NUP153: variants seen among roughly 807,000 people sequenced by gnomAD.
NUP153 encodes nucleoporin 153, also known as nuclear pore complex protein Nup153.
Under a neutral mutation model 134.6 loss-of-function variants are expected in NUP153, and 27 were observed. That is an observed-to-expected ratio of 0.20 (90% confidence interval 0.15 to 0.28). The LOEUF is 0.28. Ranked by LOEUF, NUP153 falls within the 10% of genes least tolerant of loss-of-function variation. The pLI, the probability that NUP153 is intolerant of heterozygous loss-of-function variation, is 1.00. For synonymous variants in NUP153, 640 were observed against 623.5 expected (o/e 1.03, Z -0.40); for missense variants, 1,821 against 1,731.3 (o/e 1.05, Z -0.92).
chr6:17,628,738 C>A lies in NUP153; in HGVS notation c.3461G>T (p.Ser1154Ile). ...TTCCTTCTCAGATGGTTTTGTCATA[C>A]TAAAACTAAATGTGGACTTTGAAGA... ...ENSSKSTFSF[S>I]MTKPSEKESE... The change falls in exon 18 of 22, where the codon AGT (serine) becomes ATT (isoleucine). Residue 1154 changes from serine (S) to isoleucine (I), a missense_variant. Coordinates refer to ENST00000262077, the MANE Select transcript of NUP153 (RefSeq NM_005124.4). This position sits in a 1 kb window ranked among gnomAD's most constrained non-coding sequence, Gnocchi z 5.4. 1 of 1,614,076 alleles carries A rather than the reference C, an allele frequency of 6.2e-7. No individual in the cohort carries two copies. Among genetic ancestry groups the A allele is most frequent in the Non-Finnish European group, 8.5e-7 (1 of 1,180,010 alleles).
chr6:17,630,797 A>G (rs1438312957), intron 17 of NUP153, among the ~76,000 whole-genome samples: 1 of 151,006 alleles, frequency 6.6e-6, no homozygotes. Flanking sequence ...AGAAGACAGG[A>G]GAGAAGAGAG....
At chr6:17,661,808 C>T (rs1554141508) in intron 10 of NUP153, 29 bp from the exon 11 acceptor site, 1 of 1,602,412 alleles carries the variant, frequency 6.2e-7, no homozygotes, top group Non-Finnish European at 8.5e-7. Context: ...ATTAAAACAA[C>T]TGATATATTA....
In NUP153 at chr6:17,625,195, A is replaced by G. The variant is rs556428320; in HGVS notation, c.3902-362T>C. Among the ~76,000 whole-genome samples, 1 of 152,340 alleles carries G rather than the reference A, an allele frequency of 6.6e-6. No homozygotes were observed. The highest frequency in any genetic ancestry group is 2.1e-4 in the South Asian group (1 of 4,828). ...CATTGCATAATAAAGACTGATGTTT[A>G]ATAAAACAACTTCCAGTGTCTGGTT... On this transcript the variant is annotated intron_variant, in intron 19 of 21. Transcript: ENST00000262077. The surrounding 1 kb of genome is among the most constrained non-coding windows in gnomAD (Gnocchi z 4.7).
chr6:17,686,901 G>C (rs1196915364), intron 2 of NUP153, among the ~76,000 whole-genome samples: 1 of 146,596 alleles, frequency 6.8e-6, no homozygotes, highest in Non-Finnish European at 1.5e-5. Flanking sequence ...CGGCGGGGGA[G>C]GGGGGCGGGG....
At position 17,668,997 on chromosome 6, in the gene NUP153, T is replaced by C. The variant is rs757375258; in HGVS notation, c.1046A>G (p.Asp349Gly). ...TACCTTTTCTCTTTTGGCCTGAAAA[T>C]CTGTGATATCTATCCCACTCCTATC... ...PLDRSGIDIT[D>G]FQAKREKVDS... Residue 349 changes from aspartate (D) to glycine (G), a missense_variant, in exon 8 of 22, where the codon GAT becomes GGT. Coordinates refer to ENST00000262077, the MANE Select transcript of NUP153 (RefSeq NM_005124.4). The C allele has an allele frequency of 6.5e-7, 1 of 1,541,518 alleles. No individual in the cohort carries two copies. The highest frequency in any genetic ancestry group is 2.3e-5 in the East Asian group (1 of 42,986).
At chr6:17,684,425 G>C (rs1003128560) in intron 2 of NUP153, among the ~76,000 whole-genome samples, 18 of 152,156 alleles carry the variant, frequency 1.2e-4, no homozygotes, top group African/African-American at 4.3e-4. Flanking sequence ...ATCTCCCTCA[G>C]ACTTCACAGA....
chr6:17,665,454 C>T, intron 8 of NUP153, 69 bp from the exon 9 acceptor site: 1 of 1,235,018 alleles, frequency 8.1e-7, no homozygotes, highest in Non-Finnish European at 1.2e-6. Flanking sequence ...TAAATTTTGA[C>T]AATAGCTAAC....
At position 17,657,372 on chromosome 6, in the gene NUP153, G is replaced by A. The variant is rs916518588; in HGVS notation, c.1395+4281C>T. 5.4e-5 allele frequency among the ~76,000 whole-genome samples: 8 copies of A among 147,412 alleles called. 1 individual carries two copies. Among genetic ancestry groups the A allele is most frequent in the Admixed American group, 1.4e-4 (2 of 14,572 alleles). ...AGCCTGGACAACATGGCAAAACCCC[G>A]TCTCTACTAAAATAAAAAAATAAAA... On this transcript the variant is annotated intron_variant, in intron 11 of 21. Coordinates refer to ENST00000262077, the MANE Select transcript of NUP153 (RefSeq NM_005124.4).
At chr6:17,682,324 C>CA (rs780199182) in intron 2 of NUP153, among the ~76,000 whole-genome samples, 15 of 152,122 alleles carry the variant, frequency 9.9e-5, no homozygotes, top group Non-Finnish European at 1.9e-4. Flanking sequence ...GTCTTTGCCT[C>CA]AATGTTGATG....
chr6:17,628,161 A>G lies in NUP153; in HGVS notation c.3544+494T>C, dbSNP rs114577588. ...CTTTTAACCTTTAAGGTGCTATGTC[A>G]TTTTTTTCCCCAGGACTTCAGCTTT... is the stretch of plus-strand genomic sequence containing the variant. On this transcript the variant is annotated intron_variant, in intron 18 of 21. Coordinates refer to ENST00000262077, the MANE Select transcript of NUP153 (RefSeq NM_005124.4). The surrounding 1 kb of genome is among the most constrained non-coding windows in gnomAD (Gnocchi z 5.4). 1.3e-5 allele frequency among the ~76,000 whole-genome samples: 2 copies of G among 152,134 alleles called. No homozygotes were observed. Among genetic ancestry groups the G allele is most frequent in the Non-Finnish European group, 2.9e-5 (2 of 67,982 alleles).
intron 20 of NUP153, among the ~76,000 whole-genome samples, chr6:17,618,195 T>C (rs1168124008): frequency 3.3e-5 from 5 of 152,108 alleles, no homozygotes; most frequent in Non-Finnish European, 7.4e-5. Context: ...AAAATAATGC[T>C]AGATAAACCA....
intron 11 of NUP153, chr6:17,651,936 A>G (rs183406840): frequency 3.9e-5 from 24 of 616,398 alleles, no homozygotes; most frequent in Admixed American, 3.3e-4. Flanking sequence ...TCTACAAATA[A>G]TTTTAAAAAT....
chr6:17,645,266 CTA>C (rs1253620655), intron 14 of NUP153, among the ~76,000 whole-genome samples: 6 of 149,142 alleles, frequency 4.0e-5, no homozygotes, highest in African/African-American at 1.2e-4. Context: ...AAAAAGAATT[CTA>C]TGTTTTAATT....
intron 9 of NUP153, among the ~76,000 whole-genome samples, chr6:17,664,722 A>G (rs1346095636): frequency 6.6e-6 from 1 of 152,182 alleles, no homozygotes; most frequent in Non-Finnish European, 1.5e-5. Flanking sequence ...CAATGGGTAC[A>G]TGCTAGAGTT....
At chr6:17,658,698 T>C (rs76592223) in intron 11 of NUP153, among the ~76,000 whole-genome samples, 2,940 of 152,286 alleles carry the variant, frequency 0.019, 97 homozygotes, top group African/African-American at 0.067. Flanking sequence ...TCTCACAAGC[T>C]GAGTGAAAAT....
At chr6:17,635,339 G>A (rs1455365656) in intron 16 of NUP153, among the ~76,000 whole-genome samples, 1 of 151,896 alleles carries the variant, frequency 6.6e-6, no homozygotes, top group East Asian at 1.9e-4. Context: ...TCAATCTCCT[G>A]ACCTGGTGAT....
chr6:17,657,251 T>C (rs1766873093), intron 11 of NUP153, among the ~76,000 whole-genome samples: 1 of 151,994 alleles, frequency 6.6e-6, no homozygotes, highest in South Asian at 2.1e-4. Flanking sequence ...ATACTAAAAA[T>C]TATTTTCTGG....
chr6:17,616,745 T>G lies in NUP153; in HGVS notation c.4175-50A>C, dbSNP rs748318662. On this transcript the variant is annotated intron_variant, in intron 20 of 21. Transcript: ENST00000262077. Reference sequence around the variant, plus strand: ...TTCATTAGGGCAAAATGATAGGTTTTTTTGTTTGTTTGTTTGTTTTTTGAG... The same window carrying G: ...TTCATTAGGGCAAAATGATAGGTTTGTTTGTTTGTTTGTTTGTTTTTTGAG... 3.7e-5 allele frequency: 58 copies of G among 1,549,792 alleles called. No individual in the cohort carries two copies. The South Asian group carries it at 5.4e-4, about 14-fold the overall frequency.
intron 5 of NUP153, among the ~76,000 whole-genome samples, chr6:17,672,800 A>T (rs1767996482): frequency 6.6e-6 from 1 of 152,124 alleles, no homozygotes; most frequent in Admixed American, 6.5e-5. Flanking sequence ...GCAACGTAGT[A>T]AGACTCCTAC....
Sources: allele counts gnomAD v4.1 joint callset (sites outside exome capture counted in the v4.1 genomes callset), GRCh38; gene constraint gnomAD v4.1.1; non-coding constraint Gnocchi (gnomAD v3.1); transcripts MANE v1.5; gene names NCBI Gene and HGNC (gene_info 2026-07-23, HGNC 2026-07-21).